SIK2: variants seen among roughly 807,000 people sequenced by gnomAD.
The protein encoded by SIK2 is salt inducible kinase 2, also known as serine/threonine-protein kinase SIK2.
A neutral mutation model predicts 103.2 loss-of-function variants in SIK2; 29 were observed. The ratio of observed to expected loss-of-function variants is 0.28; its 90% CI spans 0.21 to 0.38. The LOEUF (loss-of-function observed/expected upper bound fraction) is 0.38, where lower values mean the gene tolerates loss of function less well. Among genes scored for constraint, SIK2 ranks in the 10% least tolerant of loss-of-function variants. The pLI is 1.00. For synonymous variants in SIK2, 412 were observed against 446.1 expected, an observed-to-expected ratio of 0.92 and a Z score of 0.96; for missense variants, 879 against 1,171.0, an observed-to-expected ratio of 0.75 and a Z score of 3.64.
intron 3 of SIK2, among the ~76,000 whole-genome samples, chr11:111,667,888 T>C (rs1942568126): frequency 6.6e-6 from 1 of 151,990 alleles, no homozygotes; most frequent in Non-Finnish European, 1.5e-5. Flanking sequence ...TAAATTATAT[T>C]GAATTTGAGA....
At chr11:111,720,030 G>C in intron 10 of SIK2, 27 bp downstream of exon 10, 1 of 1,593,060 alleles carries the variant, frequency 6.3e-7, no homozygotes, top group Non-Finnish European at 8.6e-7. Flanking sequence ...ACACTAGCTT[G>C]AGTCTTCATG....
Position 111,712,219 on chromosome 11 carries a change from T to C in SIK2, c.1110T>C (p.Thr370=), listed in dbSNP as rs1313805289. 6.2e-7 allele frequency: 1 copy of C among 1,614,096 alleles called. No individual in the cohort carries two copies. Among genetic ancestry groups the C allele is most frequent in the East Asian group, 2.2e-5 (1 of 44,900 alleles). Residue 370 remains threonine, a synonymous_variant, in exon 9 of 15, where the codon ACT becomes ACC. Transcript: ENST00000304987. ...IAEQTVAKAQ[T]VGLPVTMHSP... ...TCTTGCCATATTTACAGGCACAGACTGTGGGGCTCCCAGTGACCATGCATT... is the reference window on the plus strand; with the variant it reads ...TCTTGCCATATTTACAGGCACAGACCGTGGGGCTCCCAGTGACCATGCATT...
At chr11:111,710,001 A>C (rs1031723631) in intron 8 of SIK2, among the ~76,000 whole-genome samples, 2 of 152,250 alleles carry the variant, frequency 1.3e-5, no homozygotes, top group African/African-American at 4.8e-5. Context: ...TAGCACCCCC[A>C]GTCATGCGTT....
intron 3 of SIK2, among the ~76,000 whole-genome samples, chr11:111,663,296 T>C (rs1044270071): frequency 6.6e-6 from 1 of 151,742 alleles, no homozygotes; most frequent in Non-Finnish European, 1.5e-5. Context: ...AGGGAGACCT[T>C]TCTGATGAGT....
At chr11:111,662,537 C>T (rs549896085) in intron 3 of SIK2, among the ~76,000 whole-genome samples, 13 of 152,126 alleles carry the variant, frequency 8.5e-5, no homozygotes, top group Non-Finnish European at 1.3e-4. Context: ...TCGCTTGAGC[C>T]GAAGAGTTTG....
chr11:111,635,605 A>G (rs1942099881), intron 3 of SIK2, among the ~76,000 whole-genome samples: 1 of 152,258 alleles, frequency 6.6e-6, no homozygotes, highest in Non-Finnish European at 1.5e-5. Flanking sequence ...GTTTTTCAAC[A>G]TGGATTTGAA....
chr11:111,613,708 A>G (rs373599046), intron 1 of SIK2, among the ~76,000 whole-genome samples: 1 of 152,182 alleles, frequency 6.6e-6, no homozygotes, highest in African/African-American at 2.4e-5. Context: ...CATTACGGTA[A>G]TAATTAAAAC....
At chr11:111,649,214 ATCCTTGCACATATTCCAT>A (rs1942297100) in intron 3 of SIK2, among the ~76,000 whole-genome samples, 1 of 152,008 alleles carries the variant, frequency 6.6e-6, no homozygotes, top group Non-Finnish European at 1.5e-5. Flanking sequence ...CGTTGTGTTG[ATCCTTGCACATATTCCAT>A]GTATCTCTCT....
rs1172645001 is a variant in SIK2, at chr11:111,728,028, T to G, written c.*3899T>G. The G allele has an allele frequency of 6.6e-6, 1 of 152,222 alleles. No homozygotes were observed. The highest frequency in any genetic ancestry group is 1.5e-5 in the Non-Finnish European group (1 of 68,038). 9.4% of individuals were successfully genotyped at this position (152,222 alleles called of 1,614,324 possible). ...CCAGGTAACTTTTTCCCATTCGACC[T>G]CCTATAGAGACAATATGCAGTGTGT... On this transcript the variant is annotated 3_prime_UTR_variant, in exon 15 of 15. Coordinates refer to ENST00000304987, the MANE Select transcript of SIK2 (RefSeq NM_015191.3).
At position 111,724,488 on chromosome 11, in the gene SIK2, A is replaced by C; in HGVS notation, c.*359A>C. 1 of 265,740 alleles carries C rather than the reference A, an allele frequency of 3.8e-6. No homozygotes were observed. 16.5% of individuals were successfully genotyped at this position (265,740 alleles called of 1,614,324 possible). On this transcript the variant is annotated 3_prime_UTR_variant, in exon 15 of 15. Coordinates refer to ENST00000304987, the MANE Select transcript of SIK2 (RefSeq NM_015191.3). ...TTATTATCAAGGGCAACCTTGGTGA[A>C]AGCAGAAAGGGTGTGTGCTATTGCA...
chr11:111,653,813 CTG>C (rs936017846), intron 3 of SIK2, among the ~76,000 whole-genome samples: 1 of 152,210 alleles, frequency 6.6e-6, no homozygotes, highest in Non-Finnish European at 1.5e-5. Context: ...TGGGAGGTGT[CTG>C]TGGTGTAAAT....
chr11:111,622,471 G>A (rs1046784334), intron 3 of SIK2, among the ~76,000 whole-genome samples: 3 of 151,608 alleles, frequency 2.0e-5, no homozygotes, highest in Non-Finnish European at 2.9e-5. Context: ...AGCCAGGATG[G>A]TCTCGATCAC....
At chr11:111,659,085 G>A (rs946877836) in intron 3 of SIK2, among the ~76,000 whole-genome samples, 5 of 152,106 alleles carry the variant, frequency 3.3e-5, no homozygotes, top group Non-Finnish European at 7.4e-5. Flanking sequence ...TTAATGGCCA[G>A]TTTGTGTGAT....
At chr11:111,635,181 TAAAAG>T (rs1462170492) in intron 3 of SIK2, among the ~76,000 whole-genome samples, 4 of 151,992 alleles carry the variant, frequency 2.6e-5, no homozygotes, top group Admixed American at 1.3e-4. Context: ...GGTCGGACAT[TAAAAG>T]AAAAGTCAGG....
At chr11:111,617,172 T>G (rs530094280) in intron 2 of SIK2, among the ~76,000 whole-genome samples, 3 of 152,196 alleles carry the variant, frequency 2.0e-5, no homozygotes, top group Admixed American at 1.3e-4. Flanking sequence ...TTTTATAGCT[T>G]TAGGGGGTAC....
At chr11:111,632,395 A>G (rs970229305) in intron 3 of SIK2, among the ~76,000 whole-genome samples, 1 of 152,166 alleles carries the variant, frequency 6.6e-6, no homozygotes, top group Non-Finnish European at 1.5e-5. Context: ...CAGGATCCTT[A>G]ACAAGGTCAT....
At chr11:111,648,751 T>C (rs955911532) in intron 3 of SIK2, among the ~76,000 whole-genome samples, 1 of 152,150 alleles carries the variant, frequency 6.6e-6, no homozygotes, top group African/African-American at 2.4e-5. Context: ...AACTTTCATT[T>C]GTACATTGTA....
intron 3 of SIK2, among the ~76,000 whole-genome samples, chr11:111,668,218 A>G (rs751397373): frequency 6.6e-6 from 1 of 151,832 alleles, no homozygotes; most frequent in Non-Finnish European, 1.5e-5. Context: ...GTGCACACGC[A>G]TGCATGTCCA....
In SIK2 at chr11:111,671,247, G is replaced by A. The variant is rs141855871; in HGVS notation, c.317-16754G>A. ...GCAGCTTGCAGTAGGTAGTGATCTC[G>A]ATGTCCAGGGCTAAATTGATGTTCA... On this transcript the variant is annotated intron_variant, in intron 3 of 14. Coordinates refer to ENST00000304987, the MANE Select transcript of SIK2 (RefSeq NM_015191.3). 257 of 258,298 alleles carry A rather than the reference G, an allele frequency of 9.9e-4. 2 individuals carry two copies. Among genetic ancestry groups the A allele is most frequent in the African/African-American group, 5.2e-3 (225 of 43,512 alleles). The allele number at this position is 258,298 out of a possible 1,614,324, so 16.0% of individuals were successfully genotyped here.
Sources: allele counts gnomAD v4.1 joint callset (sites outside exome capture counted in the v4.1 genomes callset), GRCh38; gene constraint gnomAD v4.1.1; transcripts MANE v1.5; gene names NCBI Gene and HGNC (gene_info 2026-07-23, HGNC 2026-07-21).